The following FRMD4A variants were observed in gnomAD, a reference collection of about 807,000 sequenced individuals.
FRMD4A encodes FERM domain-containing protein 4A.
FRMD4A carries 29 observed loss-of-function variants against 129.1 expected under a neutral mutation model. The ratio of observed to expected loss-of-function variants is 0.22; its 90% CI spans 0.17 to 0.31. The LOEUF (loss-of-function observed/expected upper bound fraction) is 0.31, where lower values mean the gene tolerates loss of function less well. FRMD4A is among the 10% of genes least tolerant of loss of function. The pLI is 1.00. For synonymous variants in FRMD4A, 634 were observed against 571.6 expected (o/e 1.11, Z -1.56); for missense variants, 1,272 against 1,375.8 (o/e 0.92, Z 1.19).
intron 2 of FRMD4A, among the ~76,000 whole-genome samples, chr10:13,899,244 C>T (rs1454085289): frequency 6.6e-6 from 1 of 152,164 alleles, no homozygotes; most frequent in African/African-American, 2.4e-5. Flanking sequence ...TTTCCAAAAC[C>T]ACACAACTGA....
At chr10:14,299,427 G>A (rs1406844754) in intron 2 of FRMD4A, among the ~76,000 whole-genome samples, 1 of 152,096 alleles carries the variant, frequency 6.6e-6, no homozygotes, top group African/African-American at 2.4e-5. Flanking sequence ...CCATGGAGGG[G>A]TACCTGCTAT....
At chr10:13,777,132 G>T (rs982223173) in intron 6 of FRMD4A, among the ~76,000 whole-genome samples, 3 of 152,202 alleles carry the variant, frequency 2.0e-5, no homozygotes, top group Non-Finnish European at 2.9e-5. Context: ...ACCTGGGTCT[G>T]CCCGGCAGCA....
chr10:14,079,929 T>C (rs1279713863), intron 2 of FRMD4A, among the ~76,000 whole-genome samples: 1 of 151,704 alleles, frequency 6.6e-6, no homozygotes, highest in Non-Finnish European at 1.5e-5. Context: ...GTGGGGAGGG[T>C]GAGTCTATAC....
chr10:14,219,890 C>G (rs910712311), intron 2 of FRMD4A, among the ~76,000 whole-genome samples: 1 of 152,178 alleles, frequency 6.6e-6, no homozygotes, highest in African/African-American at 2.4e-5. Flanking sequence ...AAACCCTGAA[C>G]TACTTGCTAT....
chr10:14,077,401 T>C (rs1835676950), intron 2 of FRMD4A, among the ~76,000 whole-genome samples: 1 of 152,206 alleles, frequency 6.6e-6, no homozygotes, highest in African/African-American at 2.4e-5. Flanking sequence ...GGTTTTCTCA[T>C]CTATCAAGTG....
chr10:14,284,650 C>G (rs1444101872), intron 2 of FRMD4A, among the ~76,000 whole-genome samples: 1 of 152,104 alleles, frequency 6.6e-6, no homozygotes, highest in African/African-American at 2.4e-5. Context: ...GAAACTCCGT[C>G]TCAAACAAAC....
chr10:14,045,911 T>A, intron 2 of FRMD4A, among the ~76,000 whole-genome samples: 1 of 147,436 alleles, frequency 6.8e-6, no homozygotes, highest in Middle Eastern at 3.6e-3. Context: ...TATATTATAA[T>A]TATCATATTT....
intron 2 of FRMD4A, among the ~76,000 whole-genome samples, chr10:14,259,335 T>C: frequency 6.6e-6 from 1 of 152,296 alleles, no homozygotes; most frequent in African/African-American, 2.4e-5. Flanking sequence ...AACACACCAT[T>C]CACTATTGAA....
chr10:14,259,687 T>G (rs1194913771), intron 2 of FRMD4A, among the ~76,000 whole-genome samples: 2 of 152,210 alleles, frequency 1.3e-5, no homozygotes, highest in African/African-American at 2.4e-5. Context: ...AATGTTTGAC[T>G]TCACTTCATT....
intron 2 of FRMD4A, among the ~76,000 whole-genome samples, chr10:14,143,441 A>G (rs1839932115): frequency 6.6e-6 from 1 of 152,246 alleles, no homozygotes; most frequent in Non-Finnish European, 1.5e-5. Flanking sequence ...ACATTCATAG[A>G]CACAGCAAGT....
intron 2 of FRMD4A, among the ~76,000 whole-genome samples, chr10:14,267,105 T>C (rs982813651): frequency 3.9e-5 from 6 of 152,182 alleles, no homozygotes; most frequent in African/African-American, 1.4e-4. Flanking sequence ...AAAGAAGATA[T>C]AATGGGCCTG....
chr10:13,793,910 T>C (rs2093057150), intron 5 of FRMD4A, among the ~76,000 whole-genome samples: 1 of 151,978 alleles, frequency 6.6e-6, no homozygotes, highest in African/African-American at 2.4e-5. Context: ...AAACAAATGA[T>C]TGGTGTTTTG....
intron 1 of FRMD4A, among the ~76,000 whole-genome samples, 172 bp from the exon 2 acceptor site, chr10:14,330,355 A>C (rs1024215042): frequency 3.9e-5 from 6 of 152,144 alleles, no homozygotes; most frequent in African/African-American, 1.4e-4. Flanking sequence ...GGTTATTTAA[A>C]AGTGAGCCCT....
chr10:13,975,239 G>A (rs1588646210), intron 2 of FRMD4A, among the ~76,000 whole-genome samples: 1 of 151,722 alleles, frequency 6.6e-6, no homozygotes, highest in South Asian at 2.1e-4. Context: ...GTGTGTGTGT[G>A]CCTATCTCTG....
chr10:13,833,463 G>A (rs2093822179), intron 3 of FRMD4A, among the ~76,000 whole-genome samples: 1 of 152,142 alleles, frequency 6.6e-6, no homozygotes, highest in Non-Finnish European at 1.5e-5. Context: ...AGATTTGGGT[G>A]GGAACACAGC....
chr10:13,919,270 TG>T (rs1294611709), intron 2 of FRMD4A, among the ~76,000 whole-genome samples: 1 of 152,224 alleles, frequency 6.6e-6, no homozygotes, highest in Admixed American at 6.5e-5. Context: ...ATACTGCAGT[TG>T]GGTATTGTTT....
Position 13,657,298 on chromosome 10 carries a change from A to T in FRMD4A, c.2291T>A (p.Met764Lys). ...GGCCAGCGTGGAGTAGTTGGCGTTCATCTGCGCCGGGTAGTAGTGCTCCGA... is the reference window on the plus strand; with the variant it reads ...GGCCAGCGTGGAGTAGTTGGCGTTCTTCTGCGCCGGGTAGTAGTGCTCCGA... ...SSSEHYYPAQ[M>K]NANYSTLAED... Residue 764 changes from methionine to lysine, a missense_variant, in exon 22 of 25, where the codon ATG becomes AAG. Coordinates refer to ENST00000357447, the MANE Select transcript of FRMD4A (RefSeq NM_018027.5). 6.2e-7 allele frequency: 1 copy of T among 1,610,366 alleles called. No homozygotes were observed. Among genetic ancestry groups the T allele is most frequent in the Middle Eastern group, 1.7e-4 (1 of 6,060 alleles).
chr10:14,310,922 T>A (rs1297245667), intron 2 of FRMD4A, among the ~76,000 whole-genome samples: 2 of 152,196 alleles, frequency 1.3e-5, no homozygotes, highest in Non-Finnish European at 2.9e-5. Context: ...TCGCTCCTTG[T>A]GTGTCCCCAT....
At chr10:14,186,908 C>T (rs1485091562) in intron 2 of FRMD4A, among the ~76,000 whole-genome samples, 1 of 151,574 alleles carries the variant, frequency 6.6e-6, no homozygotes, top group African/African-American at 2.4e-5. Context: ...CTGCTTGAGC[C>T]CAGGAGTTTT....
Sources: allele counts gnomAD v4.1 joint callset (sites outside exome capture counted in the v4.1 genomes callset), GRCh38; gene constraint gnomAD v4.1.1; transcripts MANE v1.5; gene names NCBI Gene and HGNC (gene_info 2026-07-23, HGNC 2026-07-21).